Variants in KANSL1 observed in about 807,000 individuals in gnomAD.
KANSL1 encodes KAT8 regulatory NSL complex subunit 1.
Under a neutral mutation model 103.6 loss-of-function variants are expected in KANSL1, and 22 were observed. That is an observed-to-expected ratio of 0.21 (90% CI 0.15 to 0.30). The LOEUF (loss-of-function observed/expected upper bound fraction) is 0.30. KANSL1 is among the 10% of genes least tolerant of loss of function. The pLI is 1.00. For missense variants in KANSL1, 1,337 were observed against 1,399.8 expected (o/e 0.96, Z 0.72); for synonymous variants, 600 against 527.6 (o/e 1.14, Z -1.88).
intron 1 of KANSL1, among the ~76,000 whole-genome samples, chr17:46,217,413 T>C (rs911073416): frequency 2.7e-5 from 4 of 150,428 alleles, no homozygotes; most frequent in Admixed American, 2.7e-4. Flanking sequence ...GAGGAGGAGG[T>C]TGCAGTAAGC....
At chr17:46,071,612 T>A (rs546107554) in intron 4 of KANSL1, among the ~76,000 whole-genome samples, 1 of 152,330 alleles carries the variant, frequency 6.6e-6, no homozygotes, top group Non-Finnish European at 1.5e-5. Flanking sequence ...TTAAGAAATA[T>A]TAAATCCGCA....
chr17:46,035,294 C>G (rs894074640), intron 10 of KANSL1: 2 of 152,292 alleles, frequency 1.3e-5, no homozygotes, highest in African/African-American at 4.8e-5. Context: ...CAAGTGTGGT[C>G]AGTCCACAGG....
At chr17:46,174,125 G>A (rs1257278668) in intron 1 of KANSL1, among the ~76,000 whole-genome samples, 1 of 152,158 alleles carries the variant, frequency 6.6e-6, no homozygotes, top group Non-Finnish European at 1.5e-5. Context: ...TAGTGTTTTT[G>A]AAAACTTGTA....
chr17:46,170,647 G>T, intron 2 of KANSL1: 1 of 572,576 alleles, frequency 1.7e-6, no homozygotes, highest in Non-Finnish European at 3.0e-6. Flanking sequence ...CCACCATTTA[G>T]ACTACAACAA....
intron 1 of KANSL1, among the ~76,000 whole-genome samples, chr17:46,175,310 CTGTGTGTGTGTGTG>C (rs71138529): frequency 0.021 from 2,930 of 137,660 alleles, 3 homozygotes; most frequent in Non-Finnish European, 0.032. Flanking sequence ...TGTCTTATTG[CTGTGTGTGTGTGTG>C]TGTGTGTGTG....
chr17:46,080,088 A>G (rs1005887212), intron 4 of KANSL1, among the ~76,000 whole-genome samples: 13 of 152,150 alleles, frequency 8.5e-5, no homozygotes, highest in African/African-American at 2.2e-4. Flanking sequence ...TATTTTGACA[A>G]TTCTAAAGAC....
intron 2 of KANSL1, among the ~76,000 whole-genome samples, chr17:46,151,459 C>T (rs1038225526): frequency 6.6e-6 from 1 of 152,246 alleles, no homozygotes; most frequent in African/African-American, 2.4e-5. Context: ...TTAATATAGA[C>T]ATCTCTCTCC....
At chr17:46,182,754 T>A (rs529624271) in intron 1 of KANSL1, among the ~76,000 whole-genome samples, 1 of 152,336 alleles carries the variant, frequency 6.6e-6, no homozygotes, top group East Asian at 1.9e-4. Context: ...AGAAGTTAAG[T>A]AATTTGCCCA....
chr17:46,177,835 T>C (rs1163063656), intron 1 of KANSL1, among the ~76,000 whole-genome samples: 1 of 152,132 alleles, frequency 6.6e-6, no homozygotes, highest in African/African-American at 2.4e-5. Context: ...TGGAGAGCAG[T>C]GGCGTGATCT....
chr17:46,166,889 A>G (rs1034630969), intron 2 of KANSL1, among the ~76,000 whole-genome samples: 21 of 152,232 alleles, frequency 1.4e-4, no homozygotes, highest in Non-Finnish European at 2.4e-4. Context: ...GTCTTTATAA[A>G]GAAGGCATTG....
In KANSL1 at chr17:46,171,148, C is replaced by A. The variant is rs774496064; in HGVS notation, c.996G>T (p.Leu332=). The stretch of plus-strand genomic sequence containing the variant: ...GTGGTCTCAAGGATTCCAAGTTTGG[C>A]AGTTTGCTCAAAGTCTTCTCCAAAA... The part of the protein sequence containing the change: ...GGFLEKTLSK[L]PNLESLRPRS... The change falls in exon 2 of 15, where the codon CTG becomes CTT. Residue 332 remains leucine (L), a synonymous_variant. Transcript: ENST00000432791. 1 of 1,614,146 alleles carries A rather than the reference C, an allele frequency of 6.2e-7. No homozygotes were observed. The highest frequency in any genetic ancestry group is 8.5e-7 in the Non-Finnish European group (1 of 1,180,050).
At chr17:46,129,600 C>CA (rs2043745615) in intron 2 of KANSL1, among the ~76,000 whole-genome samples, 2 of 152,136 alleles carry the variant, frequency 1.3e-5, no homozygotes, top group African/African-American at 2.4e-5. Context: ...ATAAATCAGT[C>CA]AGAGTGTGGA....
intron 2 of KANSL1, among the ~76,000 whole-genome samples, chr17:46,131,057 C>A (rs1260223011): frequency 6.6e-6 from 1 of 152,200 alleles, no homozygotes; most frequent in Non-Finnish European, 1.5e-5. Context: ...GGTTTTCAAG[C>A]ACAAGCTGAT....
intron 2 of KANSL1, among the ~76,000 whole-genome samples, chr17:46,166,239 C>T (rs1018959525): frequency 7.0e-6 from 1 of 143,488 alleles, no homozygotes; most frequent in Admixed American, 7.2e-5. Context: ...GGGCTGGGCA[C>T]AGTGACTTAC....
chr17:46,179,303 C>A (rs1360283755), intron 1 of KANSL1, among the ~76,000 whole-genome samples: 2 of 152,182 alleles, frequency 1.3e-5, no homozygotes, highest in African/African-American at 4.8e-5. Flanking sequence ...TAACTCCACA[C>A]CCACAAATGA....
rs754111757 is a variant in KANSL1 at position 46,094,696 on chromosome 17, C to A, written c.1295G>T (p.Arg432Leu). 2.5e-6 allele frequency: 4 copies of A among 1,614,052 alleles called. No individual in the cohort carries two copies. The Middle Eastern group carries it at 6.6e-4, about 266-fold the overall frequency. Reference protein sequence around the residue: ...DPEQRHVPLRRRSEWKWAADR... With the variant: ...DPEQRHVPLRLRSEWKWAADR... ...TGCAGCCCATTTCCATTCTGACCTGCGTCTCCTAAAAGGAAATAAACTGAG... is the reference window on the plus strand; with the variant it reads ...TGCAGCCCATTTCCATTCTGACCTGAGTCTCCTAAAAGGAAATAAACTGAG... Residue 432 changes from arginine to leucine, a missense_variant, in exon 3 of 15, where the codon CGC (arginine) becomes CTC (leucine). By Grantham distance (102) the Arg-to-Leu change is moderately radical (BLOSUM62 -2). This residue lies in a region of KANSL1 where 780 missense variants were observed against 923.4 expected (regional missense o/e 0.84). Transcript: ENST00000432791.
intron 2 of KANSL1, among the ~76,000 whole-genome samples, chr17:46,161,284 A>C (rs1033720870): frequency 2.0e-5 from 3 of 151,264 alleles, no homozygotes; most frequent in Non-Finnish European, 4.4e-5. Context: ...AAAATACAAA[A>C]AATTAGCCGG....
At chr17:46,203,857 T>C (rs1336239628) in intron 1 of KANSL1, among the ~76,000 whole-genome samples, 5 of 152,250 alleles carry the variant, frequency 3.3e-5, no homozygotes, top group Non-Finnish European at 7.3e-5. Context: ...ACCTCTACCC[T>C]GAATGTTAAA....
Position 46,200,539 on chromosome 17 carries a change from G to A in KANSL1, c.-90+23132C>T, listed in dbSNP as rs187280557. Among the ~76,000 whole-genome samples, 8 of 152,188 alleles carry A rather than the reference G, an allele frequency of 5.3e-5. No individual in the cohort carries two copies. In the East Asian group the frequency reaches 9.7e-4, roughly 18 times the overall value. ...GGGCAGATCACGAGATCCGGAGATC[G>A]AGACCATCCTGGCCAACGTGGTGAA... On this transcript the variant is annotated intron_variant, in intron 1 of 14. Coordinates refer to the KANSL1 transcript ENST00000572904.
Sources: allele counts gnomAD v4.1 joint callset (sites outside exome capture counted in the v4.1 genomes callset), GRCh38; gene constraint gnomAD v4.1.1; regional missense constraint gnomAD v4.1.1; transcripts MANE v1.5; gene names NCBI Gene and HGNC (gene_info 2026-07-23, HGNC 2026-07-21).